Variants in MUC5B observed in about 807,000 individuals in gnomAD.
MUC5B encodes the protein mucin-5B.
In MUC5B, 116 loss-of-function variants were observed where a neutral mutation model predicts 376.9. The ratio of observed to expected loss-of-function variants is 0.31; its 90% CI spans 0.26 to 0.36. MUC5B has a LOEUF of 0.36. MUC5B is among the 10% of genes least tolerant of loss of function. The probability of loss-of-function intolerance (pLI) is 1.00; values close to 1 mark genes in which losing one functional copy is unlikely to be tolerated. For synonymous variants in MUC5B, 3,517 were observed against 3,390.9 expected (o/e 1.04, Z -1.29); for missense variants, 7,165 against 7,769.9 (o/e 0.92, Z 2.93).
chr11:1,246,682 T>G lies in MUC5B; in HGVS notation c.9802T>G (p.Ser3268Ala). Residue 3268 changes from serine to alanine, a missense_variant, in exon 31 of 49, where the codon TCC becomes GCC. Ser to Ala is a moderately conservative substitution (Grantham distance 99, BLOSUM62 1). This residue lies in a region of MUC5B where 939 missense variants were observed against 770.6 expected (regional missense o/e 1.22). Transcript: ENST00000529681. Reference sequence around the variant, plus strand: ...GGCCACCATGTCCACAGCCACACCCTCCTCTACTCCAGAGACTGTCCACAC... The same window carrying G: ...GGCCACCATGTCCACAGCCACACCCGCCTCTACTCCAGAGACTGTCCACAC... ...PTATMSTATP[S>A]STPETVHTST... 1 of 1,607,902 alleles carries G rather than the reference T, an allele frequency of 6.2e-7. No individual in the cohort carries two copies. Among genetic ancestry groups the G allele is most frequent in the Non-Finnish European group, 8.5e-7 (1 of 1,176,638 alleles).
chr11:1,224,878 A>ACCTCCCC lies in MUC5B; in HGVS notation c.71-802_71-796dup, dbSNP rs543104849. Among the ~76,000 whole-genome samples the ACCTCCCC allele has an allele frequency of 3.9e-3, 596 of 151,654 alleles. 4 individuals are homozygous for ACCTCCCC. Among genetic ancestry groups the ACCTCCCC allele is most frequent in the Middle Eastern group, 0.017 (5 of 294 alleles). ...TGTGGGGGCTGGGGCCTCACCTCCC[A>ACCTCCCC]CCTCCCCACAGAGAGTCTCAGATCA... On this transcript the variant is annotated intron_variant, in intron 1 of 48. Transcript: ENST00000529681.
chr11:1,255,350 G>A, intron 36 of MUC5B, 33 bp from the exon 37 acceptor site: 1 of 1,555,112 alleles, frequency 6.4e-7, no homozygotes, highest in Non-Finnish European at 8.7e-7. Context: ...CCTGGGGCTG[G>A]GGGCCCTCCG....
In MUC5B at chr11:1,247,140, C is replaced by T; in HGVS notation, c.10260C>T (p.Thr3420=). Reference sequence around the variant, plus strand: ...CAACTCCCATCCCCCCAGTGCTGACCACCACCGCCACCACACCTGCAGCCA... The same window carrying T: ...CAACTCCCATCCCCCCAGTGCTGACTACCACCGCCACCACACCTGCAGCCA... The part of the protein sequence containing the change: ...PGTTPIPPVL[T]TTATTPAATS... The change falls in exon 31 of 49, where the codon ACC becomes ACT. Residue 3420 remains threonine (T), a synonymous_variant. Coordinates refer to ENST00000529681, the MANE Select transcript of MUC5B (RefSeq NM_002458.3). The T allele has an allele frequency of 2.6e-6, 4 of 1,533,912 alleles. No individual in the cohort carries two copies. The highest frequency in any genetic ancestry group is 2.4e-5 in the East Asian group (1 of 41,602).
rs570497606 is a variant in MUC5B at position 1,241,368 on chromosome 11, G to A, written c.4488G>A (p.Ser1496=). 76 of 1,613,084 alleles carry A rather than the reference G, an allele frequency of 4.7e-5. 2 individuals carry two copies. The South Asian group carries it at 5.8e-4, about 12-fold the overall frequency. The change falls in exon 31 of 49, where the codon TCG becomes TCA. Residue 1496 remains serine (S), a synonymous_variant. Coordinates refer to ENST00000529681, the MANE Select transcript of MUC5B (RefSeq NM_002458.3). ...SSSGPVTVTP[S]APGTTTCQPR... ...CAGGCCCCGTGACGGTCACCCCCTC[G>A]GCCCCAGGTACCACCACCTGCCAGC...
rs1247646922 is a variant in MUC5B at position 1,258,909 on chromosome 11, G to C, written c.16594-33G>C. 6.5e-7 allele frequency: 1 copy of C among 1,549,198 alleles called. No individual in the cohort carries two copies. The highest frequency in any genetic ancestry group is 2.0e-5 in the Admixed American group (1 of 50,956). ...GGGTCCTGGCCCTGTTGCCCCACCAGTGCCCTCAGTGCCACCCTCCCACCC... is the reference window on the plus strand; with the variant it reads ...GGGTCCTGGCCCTGTTGCCCCACCACTGCCCTCAGTGCCACCCTCCCACCC... On this transcript the variant is annotated intron_variant, in intron 43 of 48. Transcript: ENST00000529681. This position sits in a 1 kb window ranked among gnomAD's most constrained non-coding sequence, Gnocchi z 5.5.
intron 35 of MUC5B, 78 bp downstream of exon 35, chr11:1,254,958 G>A (rs1240376905): frequency 6.4e-6 from 7 of 1,090,614 alleles, no homozygotes; most frequent in Non-Finnish European, 9.3e-6. Context: ...GGAAGCCTGG[G>A]GAGGGGAATG....
rs761752429 is a variant in MUC5B, at chr11:1,240,938, T to C, written c.4058T>C (p.Leu1353Pro). ...WYNGHRPEPG[L>P]GGGDFETFEN... Reference sequence around the variant, plus strand: ...AATGGGCACCGCCCAGAGCCCGGCCTGGGAGGCGGAGACTTTGAGACGTTT... The same window carrying C: ...AATGGGCACCGCCCAGAGCCCGGCCCGGGAGGCGGAGACTTTGAGACGTTT... The change falls in exon 31 of 49, where the codon CTG (leucine) becomes CCG (proline). Residue 1353 changes from leucine to proline, a missense_variant. This residue lies in a region of MUC5B where 517 missense variants were observed against 545.3 expected (regional missense o/e 0.95). Transcript: ENST00000529681. 6.2e-7 allele frequency: 1 copy of C among 1,613,184 alleles called. No homozygotes were observed. Among genetic ancestry groups the C allele is most frequent in the Non-Finnish European group, 8.5e-7 (1 of 1,179,832 alleles).
intron 3 of MUC5B, 26 bp downstream of exon 3, chr11:1,226,302 C>A (rs550866781): frequency 1.5e-4 from 233 of 1,548,974 alleles, no homozygotes; most frequent in Middle Eastern, 1.2e-3. Context: ...CCCTGCCAGC[C>A]GGGAAGGGGG....
intron 17 of MUC5B, 121 bp downstream of exon 17, chr11:1,232,891 G>C (rs1408993685): frequency 5.5e-6 from 8 of 1,459,948 alleles, no homozygotes; most frequent in African/African-American, 1.4e-5. Flanking sequence ...CCTCATCCCA[G>C]CCTCGCAAGA....
Position 1,246,242 on chromosome 11 carries a change from C to A in MUC5B, c.9362C>A (p.Ser3121Tyr). The A allele has an allele frequency of 3.1e-6, 5 of 1,612,664 alleles. No individual in the cohort carries two copies. The highest frequency in any genetic ancestry group is 3.4e-6 in the Non-Finnish European group (4 of 1,179,488). ...GCCACCACGACAAGGGCCACCAGTT[C>A]CATGTCCACCCCCTCCTCCACTCCG... ...TKATTTRATS[S>Y]MSTPSSTPGT... Residue 3121 changes from serine (S) to tyrosine (Y), a missense_variant, in exon 31 of 49, where the codon TCC becomes TAC. Ser to Tyr is a moderately radical substitution (Grantham distance 144, BLOSUM62 -2). This residue lies in a region of MUC5B where 939 missense variants were observed against 770.6 expected (regional missense o/e 1.22). Coordinates refer to ENST00000529681, the MANE Select transcript of MUC5B (RefSeq NM_002458.3).
chr11:1,242,955 C>T lies in MUC5B; in HGVS notation c.6075C>T (p.Ala2025=). ...CCCACACCTCCACAGTGCTTACCGC[C>T]ACGGCCACCACAACTGGGGCCACCG... ...ETAHTSTVLT[A]TATTTGATGS... is the part of the protein sequence containing the mutation. Residue 2025 remains alanine (A), a synonymous_variant, in exon 31 of 49, where the codon GCC becomes GCT. Transcript: ENST00000529681. The T allele has an allele frequency of 1.2e-6, 2 of 1,613,380 alleles. No homozygotes were observed. Among genetic ancestry groups the T allele is most frequent in the Non-Finnish European group, 1.7e-6 (2 of 1,179,468 alleles).
At chr11:1,229,951 G>A in intron 10 of MUC5B, 54 bp from the exon 11 acceptor site, 1 of 1,559,856 alleles carries the variant, frequency 6.4e-7, no homozygotes, top group Non-Finnish European at 8.7e-7. Context: ...GGTGTGGAGG[G>A]TGGGGCCCAC....
chr11:1,227,346 C>G lies in MUC5B; in HGVS notation c.615C>G (p.Gly205=). Residue 205 remains glycine (G), a synonymous_variant, in exon 6 of 49, where the codon GGC becomes GGG. Coordinates refer to ENST00000529681, the MANE Select transcript of MUC5B (RefSeq NM_002458.3). ...LDPKYANQTC[G]LCGDFNGLPA... ...CCAAATACGCCAACCAGACCTGTGG[C>G]CTGTGTGGGGACTTCAACGGCCTCC... is the stretch of plus-strand genomic sequence containing the variant. 1 of 1,612,806 alleles carries G rather than the reference C, an allele frequency of 6.2e-7. No homozygotes were observed. The highest frequency in any genetic ancestry group is 8.5e-7 in the Non-Finnish European group (1 of 1,179,760).
chr11:1,255,411 C>T lies in MUC5B; in HGVS notation c.15919C>T (p.Pro5307Ser), dbSNP rs771117059. Reference protein sequence around the residue: ...QVFAECHNLVPPGPFFNACIS... With the variant: ...QVFAECHNLVSPGPFFNACIS... ...CTTTGCTGAGTGCCACAACCTTGTG[C>T]CCCCGGGCCCATTCTTCAACGCCTG... Residue 5307 changes from proline to serine, a missense_variant, in exon 37 of 49, where the codon CCC (proline) becomes TCC (serine). By Grantham distance (74) the Pro-to-Ser change is moderately conservative. Coordinates refer to ENST00000529681, the MANE Select transcript of MUC5B (RefSeq NM_002458.3). 6.2e-6 allele frequency: 10 copies of T among 1,602,796 alleles called. No individual in the cohort carries two copies. The highest frequency in any genetic ancestry group is 4.5e-5 in the South Asian group (4 of 89,412).
Position 1,258,485 on chromosome 11 carries a change from C to A in MUC5B, c.16593+118C>A, listed in dbSNP as rs1862906200. 2.4e-6 allele frequency: 3 copies of A among 1,230,180 alleles called. 1 individual carries two copies. The South Asian group carries it at 4.4e-5, about 18-fold the overall frequency. The allele number at this position is 1,230,180 out of a possible 1,614,324, so 76.2% of individuals were successfully genotyped here. A position where few individuals can be genotyped will look rare whatever the true frequency, so the allele number is the denominator to read the frequency against. On this transcript the variant is annotated intron_variant, in intron 43 of 48. Transcript: ENST00000529681. This position sits in a 1 kb window ranked among gnomAD's most constrained non-coding sequence, Gnocchi z 5.5. The stretch of plus-strand genomic sequence containing the variant: ...CATTCCTGCCCTGAGGGCCGATCCG[C>A]ACAGGGGCCCTGGACACGTCAGAGC...
chr11:1,257,812 C>A lies in MUC5B; in HGVS notation c.16450+102C>A. On this transcript the variant is annotated intron_variant, in intron 41 of 48. Coordinates refer to ENST00000529681, the MANE Select transcript of MUC5B (RefSeq NM_002458.3). The surrounding 1 kb of genome is among the most constrained non-coding windows in gnomAD (Gnocchi z 8.9). ...TTGGGCACAGGAGAGCAGAGGAGAGCCACTGTGTCCTGGCGTGACCGCGGC... is the reference window on the plus strand; with the variant it reads ...TTGGGCACAGGAGAGCAGAGGAGAGACACTGTGTCCTGGCGTGACCGCGGC... 2.2e-6 allele frequency: 3 copies of A among 1,370,134 alleles called. No individual in the cohort carries two copies. The highest frequency in any genetic ancestry group is 2.9e-6 in the Non-Finnish European group (3 of 1,024,424). The allele number at this position is 1,370,134 out of a possible 1,614,324, so 84.9% of individuals were successfully genotyped here. A position where few individuals can be genotyped will look rare whatever the true frequency, so the allele number is the denominator to read the frequency against.
At chr11:1,231,633 A>T in intron 14 of MUC5B, 73 bp downstream of exon 14, 3 of 1,442,100 alleles carry the variant, frequency 2.1e-6, no homozygotes, top group Non-Finnish European at 2.8e-6. Flanking sequence ...GGCTGCAGGG[A>T]GGGGCAGGCA....
Position 1,234,332 on chromosome 11 carries a change from G to T in MUC5B, c.2478+27G>T. 1.3e-6 allele frequency: 2 copies of T among 1,518,400 alleles called. No individual in the cohort carries two copies. Among genetic ancestry groups the T allele is most frequent in the South Asian group, 2.4e-5 (2 of 84,692 alleles). 94.1% of individuals were successfully genotyped at this position (1,518,400 alleles called of 1,614,324 possible). ...TGAGTTCCATGCTTCAGGGAGGGGT[G>T]GGCAGGGAAGGGGTCCCAGCTTTCC... is the stretch of plus-strand genomic sequence containing the variant. On this transcript the variant is annotated intron_variant, in intron 20 of 48. Transcript: ENST00000529681. This position sits in a 1 kb window ranked among gnomAD's most constrained non-coding sequence, Gnocchi z 6.3.
Position 1,251,742 on chromosome 11 carries a change from C to A in MUC5B, c.14862C>A (p.Pro4954=). The stretch of plus-strand genomic sequence containing the variant: ...GGGCATTTGGACAGTTTTTCTCGCC[C>A]GGTGAGTGCATGTGGATAACACTGC... ...FCRAFGQFFS[P]GEVIYNKTDR... is the part of the protein sequence containing the mutation. Residue 4954 remains proline (P), a splice_region_variant and synonymous_variant, in exon 31 of 49, where the codon CCC becomes CCA. Coordinates refer to ENST00000529681, the MANE Select transcript of MUC5B (RefSeq NM_002458.3). The A allele has an allele frequency of 6.3e-7, 1 of 1,578,560 alleles. No homozygotes were observed. The highest frequency in any genetic ancestry group is 1.1e-5 in the South Asian group (1 of 88,052).
Sources: gnomAD v4.1 joint callset for allele counts (sites outside exome capture counted in the v4.1 genomes callset) on GRCh38, gnomAD v4.1.1 for gene constraint, gnomAD v4.1.1 regional missense constraint, Gnocchi (gnomAD v3.1) non-coding constraint, MANE v1.5 for transcripts, NCBI Gene and HGNC (gene_info 2026-07-23, HGNC 2026-07-21) for gene names.